PTPRR: variants seen among roughly 807,000 people sequenced by gnomAD.
PTPRR encodes the protein protein tyrosine phosphatase receptor type R.
Under a neutral mutation model 77.2 loss-of-function variants are expected in PTPRR, and 38 were observed. That is an observed-to-expected ratio of 0.49 (90% CI 0.38 to 0.65). The LOEUF is 0.65. PTPRR is among the 30% of genes least tolerant of loss of function. PTPRR has a pLI of 0.00. For missense variants in PTPRR, 744 were observed against 799.2 expected (o/e 0.93, Z 0.83); for synonymous variants, 299 against 283.1 (o/e 1.06, Z -0.57).
intron 2 of PTPRR, among the ~76,000 whole-genome samples, chr12:70,853,021 G>A (rs971956454): frequency 6.6e-6 from 1 of 152,128 alleles, no homozygotes; most frequent in South Asian, 2.1e-4. Flanking sequence ...TACCGTTCAC[G>A]GGCCAGGGGC....
intron 1 of PTPRR, among the ~76,000 whole-genome samples, chr12:70,916,197 TA>T (rs1340393842): frequency 6.6e-6 from 1 of 152,178 alleles, no homozygotes; most frequent in East Asian, 1.9e-4. Context: ...ATTAACAAGG[TA>T]ATATTTAATT....
Position 70,761,637 on chromosome 12 carries a change from C to A in PTPRR, c.472-11G>T. On this transcript the variant is annotated splice_polypyrimidine_tract_variant and intron_variant, in intron 3 of 13. Coordinates refer to ENST00000283228, the MANE Select transcript of PTPRR (RefSeq NM_002849.4). ...ACTGTTCTTCTTTCCCTAATAAAAG[C>A]AGAATATTTGTATTTGTTATAGACA... is the stretch of plus-strand genomic sequence containing the variant. 2 of 1,541,202 alleles carry A rather than the reference C, an allele frequency of 1.3e-6. No homozygotes were observed. Among genetic ancestry groups the A allele is most frequent in the Admixed American group, 2.0e-5 (1 of 49,462 alleles).
At chr12:70,842,659 C>A (rs1380685491) in intron 2 of PTPRR, among the ~76,000 whole-genome samples, 1 of 152,218 alleles carries the variant, frequency 6.6e-6, no homozygotes, top group African/African-American at 2.4e-5. Context: ...CTGTTCAAAT[C>A]TACCTCTGTA....
At chr12:70,862,460 A>G (rs1314488294) in intron 2 of PTPRR, among the ~76,000 whole-genome samples, 1 of 151,826 alleles carries the variant, frequency 6.6e-6, no homozygotes, top group Non-Finnish European at 1.5e-5. Context: ...TGAAGTTGGA[A>G]ATCATCATTC....
At chr12:70,915,496 T>C (rs997309138) in intron 1 of PTPRR, among the ~76,000 whole-genome samples, 1 of 152,218 alleles carries the variant, frequency 6.6e-6, no homozygotes, top group African/African-American at 2.4e-5. Context: ...TTTTCTAGTG[T>C]ATTAGACTCT....
intron 2 of PTPRR, among the ~76,000 whole-genome samples, chr12:70,866,586 C>T (rs1469682713): frequency 1.3e-5 from 2 of 152,102 alleles, no homozygotes; most frequent in African/African-American, 2.4e-5. Flanking sequence ...GATTCACAGC[C>T]GAATTCTACC....
At chr12:70,805,644 C>T (rs1353694454) in intron 2 of PTPRR, among the ~76,000 whole-genome samples, 1 of 152,140 alleles carries the variant, frequency 6.6e-6, no homozygotes, top group African/African-American at 2.4e-5. Context: ...TGCCAAGTTG[C>T]CCTTCAGGGA....
chr12:70,754,998 T>C (rs1396896542), intron 4 of PTPRR, among the ~76,000 whole-genome samples: 1 of 152,164 alleles, frequency 6.6e-6, no homozygotes, highest in African/African-American at 2.4e-5. Flanking sequence ...TTTGTTCCAC[T>C]TTGGGGGTGG....
intron 2 of PTPRR, among the ~76,000 whole-genome samples, chr12:70,807,468 C>A (rs1238384086): frequency 6.6e-6 from 1 of 152,116 alleles, no homozygotes; most frequent in South Asian, 2.1e-4. Flanking sequence ...ATCTTCTAAC[C>A]AATATCTTCT....
chr12:70,841,856 T>C (rs2137060508), intron 2 of PTPRR, among the ~76,000 whole-genome samples: 1 of 152,306 alleles, frequency 6.6e-6, no homozygotes, highest in Non-Finnish European at 1.5e-5. Flanking sequence ...TGAGAATATA[T>C]GAATGGGCAC....
chr12:70,761,922 G>A (rs965156468), intron 3 of PTPRR, among the ~76,000 whole-genome samples: 2 of 152,098 alleles, frequency 1.3e-5, no homozygotes, highest in African/African-American at 4.8e-5. Context: ...ATTTTTTGAT[G>A]TAGATTGTTC....
chr12:70,771,171 A>AAT (rs1277815425), intron 2 of PTPRR, among the ~76,000 whole-genome samples: 4 of 151,288 alleles, frequency 2.6e-5, no homozygotes, highest in African/African-American at 9.7e-5. Flanking sequence ...AAATTAAAAA[A>AAT]AAATAAAAAT....
rs138593412 is a variant in PTPRR at position 70,905,597 on chromosome 12, T to C, written c.59-12620A>G. Among the ~76,000 whole-genome samples, 32 of 152,152 alleles carry C rather than the reference T, an allele frequency of 2.1e-4. No homozygotes were observed. The East Asian group carries it at 4.8e-3, about 23-fold the overall frequency. ...AATTTCATTCTGGGTATGACCTTGG[T>C]AGCCTCTGAAGAGATCTTTAACAAA... On this transcript the variant is annotated intron_variant, in intron 1 of 13. Transcript: ENST00000283228.
intron 2 of PTPRR, among the ~76,000 whole-genome samples, chr12:70,803,123 G>T (rs916841231): frequency 6.6e-6 from 1 of 152,128 alleles, no homozygotes; most frequent in African/African-American, 2.4e-5. Flanking sequence ...TTGATTCAGG[G>T]TATGTGAAGA....
At chr12:70,723,336 GGGCTTTTTTTTTTCCCCTT>G (rs1350844065) in intron 6 of PTPRR, among the ~76,000 whole-genome samples, 1 of 151,912 alleles carries the variant, frequency 6.6e-6, no homozygotes, top group African/African-American at 2.4e-5. Flanking sequence ...AACTTTTTGA[GGGCTTTTTTTTTTCCCCTT>G]TTAAGCTATT....
At chr12:70,874,281 G>T (rs1349136595) in intron 2 of PTPRR, among the ~76,000 whole-genome samples, 1 of 152,088 alleles carries the variant, frequency 6.6e-6, no homozygotes, top group East Asian at 1.9e-4. Flanking sequence ...AAACATATCA[G>T]AGACAACCAA....
intron 2 of PTPRR, among the ~76,000 whole-genome samples, chr12:70,830,590 G>A (rs779557248): frequency 6.6e-6 from 1 of 152,190 alleles, no homozygotes; most frequent in Non-Finnish European, 1.5e-5. Context: ...GTACAATCTA[G>A]CAAGGTTGCT....
intron 12 of PTPRR, among the ~76,000 whole-genome samples, chr12:70,657,823 T>A (rs1886640505): frequency 6.6e-6 from 1 of 152,180 alleles, no homozygotes; most frequent in African/African-American, 2.4e-5. Flanking sequence ...CTATTTTCCA[T>A]CTCTGCTGAG....
intron 7 of PTPRR, among the ~76,000 whole-genome samples, chr12:70,700,236 T>G (rs1302591028): frequency 6.6e-6 from 1 of 152,184 alleles, no homozygotes; most frequent in Non-Finnish European, 1.5e-5. Context: ...GAACTAATAA[T>G]CAATTTATTG....
Sources: allele counts gnomAD v4.1 joint callset (sites outside exome capture counted in the v4.1 genomes callset), GRCh38; gene constraint gnomAD v4.1.1; transcripts MANE v1.5; gene names NCBI Gene and HGNC (gene_info 2026-07-23, HGNC 2026-07-21).